The following ZNF521 variants were observed in gnomAD, a reference collection of about 807,000 sequenced individuals.
ZNF521 encodes LYST-interacting protein 3.
In ZNF521, 14 loss-of-function variants were observed where a neutral mutation model predicts 105.5. That is an observed-to-expected ratio of 0.13 (90% CI 0.09 to 0.21). The LOEUF is 0.21. ZNF521 is among the 10% of genes least tolerant of loss of function. The pLI is 1.00. For missense variants in ZNF521, 1,233 were observed against 1,629.7 expected (o/e 0.76, Z 4.19); for synonymous variants, 635 against 606.0 (o/e 1.05, Z -0.70).
intron 3 of ZNF521, among the ~76,000 whole-genome samples, chr18:25,252,242 T>C (rs997354285): frequency 6.6e-6 from 1 of 152,060 alleles, no homozygotes; most frequent in Non-Finnish European, 1.5e-5. Flanking sequence ...GGTTATAATA[T>C]TAACATACCA....
At chr18:25,149,490 A>C (rs2144479520) in intron 5 of ZNF521, among the ~76,000 whole-genome samples, 1 of 152,270 alleles carries the variant, frequency 6.6e-6, no homozygotes, top group Non-Finnish European at 1.5e-5. Flanking sequence ...TATTAAAGGA[A>C]GCCCATATTT....
intron 3 of ZNF521, among the ~76,000 whole-genome samples, chr18:25,241,281 A>G (rs1379129827): frequency 2.0e-5 from 3 of 152,218 alleles, no homozygotes; most frequent in Non-Finnish European, 4.4e-5. Flanking sequence ...TTGTCAAGGC[A>G]TTAAAGACAC....
intron 5 of ZNF521, among the ~76,000 whole-genome samples, chr18:25,180,503 T>A (rs1347737165): frequency 2.0e-5 from 3 of 146,446 alleles, no homozygotes; most frequent in African/African-American, 7.8e-5. Flanking sequence ...TATATGTTTT[T>A]ATCTCTTGCA....
intron 3 of ZNF521, among the ~76,000 whole-genome samples, chr18:25,246,176 T>C (rs1278514255): frequency 6.6e-6 from 1 of 152,130 alleles, no homozygotes; most frequent in Non-Finnish European, 1.5e-5. Flanking sequence ...TATACATATG[T>C]AACAAACCTG....
intron 7 of ZNF521, among the ~76,000 whole-genome samples, chr18:25,072,652 AT>A (rs1234261935): frequency 2.0e-5 from 3 of 152,238 alleles, no homozygotes; most frequent in Non-Finnish European, 2.9e-5. Context: ...GTCTGTTTCC[AT>A]GCAAGAAGCC....
chr18:25,300,830 C>T (rs543768187), intron 3 of ZNF521, among the ~76,000 whole-genome samples: 60 of 152,292 alleles, frequency 3.9e-4, no homozygotes, highest in Middle Eastern at 6.8e-3. Context: ...TTTGATTCTT[C>T]AGTCAAATAC....
Position 25,067,388 on chromosome 18 carries a change from T to A in ZNF521, c.3907-4647A>T, listed in dbSNP as rs1413169058. 3.9e-5 allele frequency among the ~76,000 whole-genome samples: 6 copies of A among 152,166 alleles called. 1 individual carries two copies. Among genetic ancestry groups the A allele is most frequent in the Non-Finnish European group, 5.9e-5 (4 of 68,026 alleles). The stretch of plus-strand genomic sequence containing the variant: ...AAAGCTAAAAAACAGACGAGGGCCT[T>A]AAAAATTCCCTTCTAGCACTATGTA... On this transcript the variant is annotated intron_variant, in intron 7 of 7. Coordinates refer to ENST00000361524, the MANE Select transcript of ZNF521 (RefSeq NM_015461.3).
intron 3 of ZNF521, among the ~76,000 whole-genome samples, chr18:25,272,655 C>T (rs1909737783): frequency 6.6e-6 from 1 of 151,942 alleles, no homozygotes; most frequent in East Asian, 1.9e-4. Context: ...AGCAAACTAC[C>T]ACAAGAACAG....
At chr18:25,295,004 A>G (rs532807985) in intron 3 of ZNF521, among the ~76,000 whole-genome samples, 2 of 152,228 alleles carry the variant, frequency 1.3e-5, no homozygotes, top group African/African-American at 4.8e-5. Flanking sequence ...AAAAGCAACA[A>G]CTTGATATAA....
intron 3 of ZNF521, among the ~76,000 whole-genome samples, chr18:25,304,739 C>T (rs1911873637): frequency 6.6e-6 from 1 of 152,224 alleles, no homozygotes; most frequent in Admixed American, 6.5e-5. Context: ...CTCCTATCAG[C>T]TCCTGTGAAC....
At position 25,225,671 on chromosome 18, in the gene ZNF521, C is replaced by A; in HGVS notation, c.2247G>T (p.Lys749Asn). 2 of 1,614,174 alleles carry A rather than the reference C, an allele frequency of 1.2e-6. No individual in the cohort carries two copies. The highest frequency in any genetic ancestry group is 1.7e-6 in the Non-Finnish European group (2 of 1,180,018). Residue 749 changes from lysine (K) to asparagine (N), a missense_variant, in exon 4 of 8, where the codon AAG (lysine) becomes AAT (asparagine). By Grantham distance (94) the Lys-to-Asn change is moderately conservative (BLOSUM62 0). Coordinates refer to ENST00000361524, the MANE Select transcript of ZNF521 (RefSeq NM_015461.3). This position sits in a 1 kb window ranked among gnomAD's most constrained non-coding sequence, Gnocchi z 5.6. ...LHLAVKHSNE[K>N]KVYRCTSCNW... ...TGCAAGATGTGCACCTATAGACTTT[C>A]TTTTCGTTACTGTGCTTCACAGCCA... is the stretch of plus-strand genomic sequence containing the variant.
intron 5 of ZNF521, among the ~76,000 whole-genome samples, chr18:25,120,310 T>C (rs941350769): frequency 1.3e-5 from 2 of 152,074 alleles, no homozygotes; most frequent in Non-Finnish European, 2.9e-5. Flanking sequence ...AGGCCAGGCA[T>C]GGTGGCTCAC....
intron 4 of ZNF521, among the ~76,000 whole-genome samples, chr18:25,205,141 T>TAAAAGAAAAAAAAAAAA (rs2036057540): frequency 1.3e-5 from 1 of 74,934 alleles, no homozygotes; most frequent in African/African-American, 6.2e-5. Context: ...GTAGTGAAGG[T>TAAAAGAAAAAAAAAAAA]AAAAAAAAAA....
intron 5 of ZNF521, among the ~76,000 whole-genome samples, chr18:25,123,614 T>C (rs2034485644): frequency 6.6e-6 from 1 of 152,154 alleles, no homozygotes; most frequent in African/African-American, 2.4e-5. Flanking sequence ...CCAGTTTCCT[T>C]GCAGAGGGAA....
intron 4 of ZNF521, among the ~76,000 whole-genome samples, chr18:25,207,718 T>C (rs1365715469): frequency 6.6e-6 from 1 of 152,150 alleles, no homozygotes; most frequent in South Asian, 2.1e-4. Flanking sequence ...GGGAACCAGA[T>C]TGCTGTTATC....
intron 3 of ZNF521, among the ~76,000 whole-genome samples, chr18:25,304,911 T>C (rs1474076679): frequency 2.6e-5 from 4 of 152,218 alleles, no homozygotes; most frequent in South Asian, 2.1e-4. Context: ...CACAGTAAGA[T>C]TGTAGGCAAT....
intron 2 of ZNF521, among the ~76,000 whole-genome samples, chr18:25,332,751 C>T (rs966607926): frequency 3.9e-5 from 6 of 152,102 alleles, no homozygotes; most frequent in Non-Finnish European, 7.4e-5. Context: ...TCTCCAAAAG[C>T]CAGGTTTTAA....
intron 3 of ZNF521, among the ~76,000 whole-genome samples, chr18:25,250,171 C>T (rs549731712): frequency 2.0e-5 from 3 of 152,274 alleles, no homozygotes; most frequent in East Asian, 3.9e-4. Context: ...GATCTCCTGA[C>T]ATTGTGATCC....
chr18:25,144,134 C>T (rs2034900955), intron 5 of ZNF521, among the ~76,000 whole-genome samples: 1 of 152,174 alleles, frequency 6.6e-6, no homozygotes, highest in Non-Finnish European at 1.5e-5. Flanking sequence ...TCCTAGTGCT[C>T]AAGCCAGACA....
Sources: gnomAD v4.1 joint callset for allele counts (sites outside exome capture counted in the v4.1 genomes callset) on GRCh38, gnomAD v4.1.1 for gene constraint, Gnocchi (gnomAD v3.1) non-coding constraint, MANE v1.5 for transcripts, NCBI Gene and HGNC (gene_info 2026-07-23, HGNC 2026-07-21) for gene names.